The following NSD1 variants were observed in gnomAD, a reference collection of about 807,000 sequenced individuals.
NSD1 encodes the protein histone-lysine N-methyltransferase, H3 lysine-36 specific.
Under a neutral mutation model 242.7 loss-of-function variants are expected in NSD1, and 26 were observed. That is an observed-to-expected ratio of 0.11 (90% CI 0.08 to 0.15). The LOEUF is 0.15. Ranked by LOEUF, NSD1 falls within the 10% of genes least tolerant of loss-of-function variation. The pLI is 1.00. For missense variants in NSD1, 2,495 were observed against 3,272.8 expected (o/e 0.76, Z 5.80); for synonymous variants, 1,106 against 1,178.1 (o/e 0.94, Z 1.25).
rs2127257866 is a variant in NSD1 at position 177,280,916 on chromosome 5, T to C, written c.5892+82T>C. On this transcript the variant is annotated intron_variant, in intron 18 of 22. Transcript: ENST00000439151. ...TTGATCCTTGACATTAGAAAATTCA[T>C]CATAGAAGAAAATAACACAGTTAAT... 2.8e-6 allele frequency: 4 copies of C among 1,443,070 alleles called. No individual in the cohort carries two copies. The South Asian group carries it at 3.6e-5, about 13-fold the overall frequency. 89.4% of individuals were successfully genotyped at this position (1,443,070 alleles called of 1,614,324 possible).
intron 2 of NSD1, among the ~76,000 whole-genome samples, chr5:177,181,286 C>A (rs1354401425): frequency 1.3e-5 from 2 of 151,750 alleles, no homozygotes; most frequent in Non-Finnish European, 2.9e-5. Flanking sequence ...AAGACTGTCT[C>A]CAGAAAACAC....
intron 21 of NSD1, among the ~76,000 whole-genome samples, chr5:177,289,620 C>T (rs1211371299): frequency 6.6e-6 from 1 of 151,922 alleles, no homozygotes; most frequent in African/African-American, 2.4e-5. Context: ...CTGAAGATAC[C>T]AAAAAATCTG....
chr5:177,151,587 C>G lies in NSD1; in HGVS notation c.927+15557C>G, dbSNP rs150855111. 6.4e-4 allele frequency among the ~76,000 whole-genome samples: 97 copies of G among 151,826 alleles called. No homozygotes were observed. In the East Asian group the frequency reaches 0.011, roughly 17 times the overall value. On this transcript the variant is annotated intron_variant, in intron 2 of 22. Transcript: ENST00000439151. ...TATTTTTAGTAGAGATGGGATTTCT[C>G]CATGTTGGTCAGACTTGTCTCGGAC...
rs1760379654 is a variant in NSD1, at chr5:177,298,340, CTTTT to C, written c.*2882_*2885del. The C allele has an allele frequency of 4.3e-6, 1 of 233,126 alleles. No individual in the cohort carries two copies. The highest frequency in any genetic ancestry group is 8.5e-6 in the Non-Finnish European group (1 of 118,026). 14.4% of individuals were successfully genotyped at this position (233,126 alleles called of 1,614,324 possible). On this transcript the variant is annotated 3_prime_UTR_variant, in exon 23 of 23. Transcript: ENST00000439151. ...CCTTGGAGCCAGCTCCCCAGGAGGCCTTTTCCAGGGACAAGGCAAAAGTTGAAAT... is the reference window on the plus strand; with the variant it reads ...CCTTGGAGCCAGCTCCCCAGGAGGCCCCAGGGACAAGGCAAAAGTTGAAAT...
intron 3 of NSD1, among the ~76,000 whole-genome samples, chr5:177,203,912 C>A (rs1451860615): frequency 6.6e-6 from 1 of 152,126 alleles, no homozygotes; most frequent in Non-Finnish European, 1.5e-5. Flanking sequence ...ACTACTGATT[C>A]TTTCATAACC....
intron 15 of NSD1, among the ~76,000 whole-genome samples, chr5:177,268,165 G>T (rs1757662697): frequency 6.6e-6 from 1 of 151,782 alleles, no homozygotes; most frequent in African/African-American, 2.4e-5. Flanking sequence ...CTGGAGTGCA[G>T]TGGTGTGATC....
In NSD1 at chr5:177,204,136, C is replaced by T. The variant is rs148455858; in HGVS notation, c.1080C>T (p.Pro360=). 5.0e-6 allele frequency: 8 copies of T among 1,613,990 alleles called. No individual in the cohort carries two copies. The highest frequency in any genetic ancestry group is 5.9e-6 in the Non-Finnish European group (7 of 1,179,940). The part of the protein sequence containing the change: ...HSKMKVSNRR[P]YRQYYVEAFG... ...CTTACCTAGTTTCCAACCGGAGGCCCTATCGGCAGTACTACGTGGAGGCTT... is the reference window on the plus strand; with the variant it reads ...CTTACCTAGTTTCCAACCGGAGGCCTTATCGGCAGTACTACGTGGAGGCTT... The change falls in exon 4 of 23, where the codon CCC becomes CCT. Residue 360 remains proline, a synonymous_variant. Transcript: ENST00000439151.
Position 177,288,457 on chromosome 5 carries a change from T to A in NSD1, c.6152-362T>A, listed in dbSNP as rs139152361. On this transcript the variant is annotated intron_variant, in intron 20 of 22. Transcript: ENST00000439151. The stretch of plus-strand genomic sequence containing the variant: ...CTGAGAACAGACAAACAGGTTTTCC[T>A]CATACTTGTATTCCCAGGGCCTGAC... The A allele has an allele frequency of 1.9e-4, 58 of 299,502 alleles. No individual in the cohort carries two copies. In the East Asian group the frequency reaches 3.0e-3, roughly 16 times the overall value. 18.6% of individuals were successfully genotyped at this position (299,502 alleles called of 1,614,324 possible).
rs200139472 is a variant in NSD1 at position 177,238,193 on chromosome 5, A to G, written c.3922-44A>G. 2 of 1,610,190 alleles carry G rather than the reference A, an allele frequency of 1.2e-6. No homozygotes were observed. The highest frequency in any genetic ancestry group is 1.7e-6 in the Non-Finnish European group (2 of 1,176,626). On this transcript the variant is annotated intron_variant, in intron 6 of 22. Transcript: ENST00000439151. This position sits in a 1 kb window ranked among gnomAD's most constrained non-coding sequence, Gnocchi z 4.6. ...TTATTCTTTTTGACACTTAAATTACAACAATTTTGGCCTGTGGACTCTATT... is the reference window on the plus strand; with the variant it reads ...TTATTCTTTTTGACACTTAAATTACGACAATTTTGGCCTGTGGACTCTATT...
intron 20 of NSD1, among the ~76,000 whole-genome samples, chr5:177,284,918 T>C (rs1759186628): frequency 6.6e-6 from 1 of 152,138 alleles, no homozygotes; most frequent in Non-Finnish European, 1.5e-5. Flanking sequence ...CTGGGTAGTA[T>C]CGTGAGAACT....
intron 13 of NSD1, among the ~76,000 whole-genome samples, chr5:177,257,836 T>TATTTC (rs1491317735): frequency 2.2e-5 from 3 of 136,704 alleles, no homozygotes; most frequent in Non-Finnish European, 4.9e-5. Context: ...TATTTTATTT[T>TATTTC]ATTTTATTTT....
At chr5:177,228,735 T>G (rs1168859828) in intron 5 of NSD1, among the ~76,000 whole-genome samples, 1 of 152,188 alleles carries the variant, frequency 6.6e-6, no homozygotes, top group Non-Finnish European at 1.5e-5. Context: ...CTGTATGTAG[T>G]TCAGTCTTGA....
chr5:177,293,143 T>C (rs1581560685), intron 22 of NSD1, among the ~76,000 whole-genome samples: 1 of 152,222 alleles, frequency 6.6e-6, no homozygotes, highest in African/African-American at 2.4e-5. Context: ...AGAACCAATC[T>C]TGCCTGTGTG....
chr5:177,266,680 A>G, intron 14 of NSD1: 1 of 320,840 alleles, frequency 3.1e-6, no homozygotes, highest in Non-Finnish European at 5.7e-6. Context: ...CAGTGAGAAC[A>G]AGATTAACTC....
In NSD1 at chr5:177,267,669, A is replaced by G. The variant is rs1344938853; in HGVS notation, c.5254A>G (p.Lys1752Glu). Reference sequence around the variant, plus strand: ...GTATTGCAATGACTGTAAAGCAGGCAAAAAGCCACACTACAGGGAGATTGT... The same window carrying G: ...GTATTGCAATGACTGTAAAGCAGGCGAAAAGCCACACTACAGGGAGATTGT... ...NWYCNDCKAG[K>E]KPHYREIVWV... Residue 1752 changes from lysine to glutamate, a missense_variant, in exon 15 of 23, where the codon AAA (lysine) becomes GAA (glutamate). By Grantham distance (56) the Lys-to-Glu change is moderately conservative (BLOSUM62 1). Coordinates refer to ENST00000439151, the MANE Select transcript of NSD1 (RefSeq NM_022455.5). 6.2e-7 allele frequency: 1 copy of G among 1,614,016 alleles called. No individual in the cohort carries two copies. Among genetic ancestry groups the G allele is most frequent in the Non-Finnish European group, 8.5e-7 (1 of 1,179,998 alleles).
chr5:177,154,155 G>A (rs1757941991), intron 2 of NSD1, among the ~76,000 whole-genome samples: 1 of 152,034 alleles, frequency 6.6e-6, no homozygotes, highest in Admixed American at 6.6e-5. Context: ...TTCTCCATAG[G>A]CCTGCTTACT....
chr5:177,186,079 A>ATATTATATATAACATATATTAT, intron 2 of NSD1, among the ~76,000 whole-genome samples: 1 of 114,628 alleles, frequency 8.7e-6, no homozygotes, highest in East Asian at 2.4e-4. Context: ...TGTTATATAT[A>ATATTATATATAACATATATTAT]ATATATTATA....
intron 22 of NSD1, among the ~76,000 whole-genome samples, chr5:177,292,675 A>G (rs1759937402): frequency 6.6e-6 from 1 of 152,198 alleles, no homozygotes; most frequent in Non-Finnish European, 1.5e-5. Flanking sequence ...GTCTCCCCCC[A>G]TGCAGAGTAG....
chr5:177,133,745 G>C (rs1756036229), upstream of NSD1: 1 of 148,590 alleles, frequency 6.7e-6, no homozygotes, highest in African/African-American at 2.4e-5. This position sits in a 1 kb window ranked among gnomAD's most constrained non-coding sequence, Gnocchi z 6.2. Context: ...GGCCGCGGGG[G>C]CGCGCGCGGT....
Sources: allele counts gnomAD v4.1 joint callset (sites outside exome capture counted in the v4.1 genomes callset), GRCh38; gene constraint gnomAD v4.1.1; non-coding constraint Gnocchi (gnomAD v3.1); transcripts MANE v1.5; gene names NCBI Gene and HGNC (gene_info 2026-07-23, HGNC 2026-07-21).